Variants in SPTBN5 observed in about 807,000 individuals in gnomAD.
SPTBN5 encodes spectrin beta chain, non-erythrocytic 5.
SPTBN5 carries 513 observed loss-of-function variants against 477.6 expected under a neutral mutation model. The ratio of observed to expected loss-of-function variants is 1.07; its 90% CI spans 1.00 to 1.16. The LOEUF (loss-of-function observed/expected upper bound fraction) is 1.16, where lower values mean the gene tolerates loss of function less well. SPTBN5 is among the 50% of genes most tolerant of loss of function. SPTBN5 has a pLI of 0.00. For synonymous variants in SPTBN5, 2,169 were observed against 2,011.7 expected (o/e 1.08, Z -2.09); for missense variants, 5,062 against 4,731.8 (o/e 1.07, Z -2.05).
At chr15:41,851,689 C>T (rs2065770119) in intron 63 of SPTBN5, 90 bp downstream of exon 63, 3 of 1,001,064 alleles carry the variant, frequency 3.0e-6, no homozygotes, top group Non-Finnish European at 3.1e-6. Context: ...GTTCACAGTG[C>T]AAGGGTGCCA....
intron 53 of SPTBN5, 88 bp from the exon 54 acceptor site, chr15:41,855,833 G>C (rs1567186077): frequency 7.3e-7 from 1 of 1,362,534 alleles, no homozygotes; most frequent in Non-Finnish European, 9.8e-7. Context: ...TGGCTGCACA[G>C]GGGAATCACC....
intron 47 of SPTBN5, 119 bp from the exon 48 acceptor site, chr15:41,859,099 A>C: frequency 4.2e-6 from 3 of 719,334 alleles, no homozygotes; most frequent in Non-Finnish European, 6.4e-6. Flanking sequence ...CTTTGGAATA[A>C]AGGTACATTG....
At chr15:41,861,015 C>T (rs1194782011) in intron 46 of SPTBN5, among the ~76,000 whole-genome samples, 1 of 152,260 alleles carries the variant, frequency 6.6e-6, no homozygotes. Context: ...GTGAAAGCTC[C>T]CTCCTCTGCA....
At chr15:41,875,358 G>A (rs1319732679) in intron 22 of SPTBN5, 100 bp downstream of exon 22, 1 of 1,386,920 alleles carries the variant, frequency 7.2e-7, no homozygotes, top group Non-Finnish European at 9.6e-7. Context: ...AGGCTGCAGA[G>A]CCAGGGTCAG....
chr15:41,872,516 G>T, intron 26 of SPTBN5, 57 bp from the exon 27 acceptor site: 1 of 1,509,978 alleles, frequency 6.6e-7, no homozygotes. Context: ...CCACCCACCT[G>T]TCCGTCCCCC....
rs1387947830 is a variant in SPTBN5 at position 41,850,865 on chromosome 15, C to T, written c.10910G>A (p.Gly3637Asp). 1 of 1,598,364 alleles carries T rather than the reference C, an allele frequency of 6.3e-7. No homozygotes were observed. Among genetic ancestry groups the T allele is most frequent in the Non-Finnish European group, 8.5e-7 (1 of 1,173,448 alleles). The change falls in exon 66 of 68, where the codon GGC (glycine) becomes GAC (aspartate). Residue 3637 changes from glycine to aspartate, a missense_variant. Coordinates refer to ENST00000320955, the MANE Select transcript of SPTBN5 (RefSeq NM_016642.4). ...CCCCTGAAGCCCACCTGCAGTGCTG[C>T]CCAGGGCTCGCCACCAGCTCTCAGC... ...EQAESWWRAL[G>D]STAAQSLSPK...
chr15:41,893,490 C>T lies in SPTBN5; in HGVS notation c.8G>A (p.Gly3Asp), dbSNP rs116590800. 2.6e-3 allele frequency: 4,101 copies of T among 1,580,400 alleles called. 98 individuals carry two copies. The African/African-American group carries it at 0.05, about 19-fold the overall frequency. Reference protein sequence around the residue: MAGQPHSPRELLG... With the variant: MADQPHSPRELLG... ...GAGCTCCCGGGGACTGTGGGGCTGA[C>T]CAGCCATCAGCCCTGCAGACTTTGG... is the stretch of plus-strand genomic sequence containing the variant. Residue 3 changes from glycine (G) to aspartate (D), a missense_variant, in exon 2 of 68, where the codon GGT becomes GAT. Coordinates refer to ENST00000320955, the MANE Select transcript of SPTBN5 (RefSeq NM_016642.4).
rs1290230163 is a variant in SPTBN5, at chr15:41,848,463, G to A, written c.*153C>T. 8 of 871,004 alleles carry A rather than the reference G, an allele frequency of 9.2e-6. No homozygotes were observed. Among genetic ancestry groups the A allele is most frequent in the Non-Finnish European group, 1.5e-5 (8 of 517,290 alleles). The allele number at this position is 871,004 out of a possible 1,614,324, so 54.0% of individuals were successfully genotyped here. ...CCACATGGTAGGACCCATCTAACCA[G>A]AAGGAACTGTCTATTCCAGAAGCTG... On this transcript the variant is annotated 3_prime_UTR_variant, in exon 68 of 68. Transcript: ENST00000320955.
chr15:41,878,670 G>A (rs773993913), intron 16 of SPTBN5, 41 bp from the exon 17 acceptor site: 2 of 1,573,614 alleles, frequency 1.3e-6, no homozygotes, highest in Non-Finnish European at 1.7e-6. Context: ...GCCCTGTCCT[G>A]GGCCTGGTGC....
At position 41,874,366 on chromosome 15, in the gene SPTBN5, G is replaced by C. The variant is rs776084505; in HGVS notation, c.4615C>G (p.His1539Asp). 3.1e-6 allele frequency: 5 copies of C among 1,613,864 alleles called. No individual in the cohort carries two copies. In the South Asian group the frequency reaches 5.5e-5, roughly 18 times the overall value. The stretch of plus-strand genomic sequence containing the variant: ...CTGGTGGGGCTGCCATGGGGCATGT[G>C]CTCGGCTACCCAAGAGAGCTCCATG... ...SNMELSWVAE[H>D]MPHGSPTSYT... is the part of the protein sequence containing the mutation. Residue 1539 changes from histidine (H) to aspartate (D), a missense_variant, in exon 24 of 68, where the codon CAC becomes GAC. Physicochemically the swap from His to Asp is moderately conservative, Grantham distance 81. Coordinates refer to ENST00000320955, the MANE Select transcript of SPTBN5 (RefSeq NM_016642.4).
In SPTBN5 at chr15:41,857,581, C is replaced by A; in HGVS notation, c.8356G>T (p.Ala2786Ser). The A allele has an allele frequency of 6.2e-7, 1 of 1,609,582 alleles. No homozygotes were observed. The highest frequency in any genetic ancestry group is 8.5e-7 in the Non-Finnish European group (1 of 1,178,128). Residue 2786 changes from alanine to serine, a missense_variant, in exon 50 of 68, where the codon GCC (alanine) becomes TCC (serine). Ala to Ser is a moderately conservative substitution (Grantham distance 99, BLOSUM62 1). Transcript: ENST00000320955. ...SQKKVAKLQK[A>S]CEALRLRRSM... ...GGCCTGCACAACCTCACCTCACAGG[C>A]CTTCTGGAGCTTGGCCACCTTCTTC...
chr15:41,866,299 G>C, intron 37 of SPTBN5, 45 bp downstream of exon 37: 1 of 1,571,936 alleles, frequency 6.4e-7, no homozygotes, highest in Non-Finnish European at 8.6e-7. Flanking sequence ...ATTGCCCCTG[G>C]GCCACACTTT....
Position 41,870,535 on chromosome 15 carries a change from G to A in SPTBN5, c.5473C>T (p.Leu1825=), listed in dbSNP as rs1249279091. The stretch of plus-strand genomic sequence containing the variant: ...AGCGCGTGGCCTCGGGCCTGGGTCA[G>A]CTCCCACAGCTCCGACCAGGCGGTC... The part of the protein sequence containing the change: ...LQTAWSELWE[L]TQARGHALRD... Residue 1825 remains leucine (L), a synonymous_variant, in exon 30 of 68, where the codon CTG becomes TTG. Transcript: ENST00000320955. 1.2e-6 allele frequency: 2 copies of A among 1,610,122 alleles called. No individual in the cohort carries two copies. The highest frequency in any genetic ancestry group is 8.5e-7 in the Non-Finnish European group (1 of 1,179,754).
chr15:41,856,974 A>T lies in SPTBN5; in HGVS notation c.8687T>A (p.Leu2896Ter). The change falls in exon 52 of 68, where the codon TTG becomes TAG. Residue 2896 changes from leucine to a stop codon, truncating the protein, a stop_gained. Transcript: ENST00000320955. LOFTEE classifies it high-confidence loss of function. ...CTCGTCGGCGTCCCTGAAGAACTTCAAGAGGAGGCTCCGGGCCTCCAGGGC... is the reference window on the plus strand; with the variant it reads ...CTCGTCGGCGTCCCTGAAGAACTTCTAGAGGAGGCTCCGGGCCTCCAGGGC... ...RTALEARSLL[L>*]KFFRDADEEM... is the part of the protein sequence containing the mutation. 6.2e-7 allele frequency: 1 copy of T among 1,601,260 alleles called. No individual in the cohort carries two copies. Among genetic ancestry groups the T allele is most frequent in the Non-Finnish European group, 8.5e-7 (1 of 1,174,728 alleles).
In SPTBN5 at chr15:41,882,984, G is replaced by T. The variant is rs1277957380; in HGVS notation, c.1892+12C>A. On this transcript the variant is annotated intron_variant, in intron 9 of 67. Coordinates refer to ENST00000320955, the MANE Select transcript of SPTBN5 (RefSeq NM_016642.4). ...TTCTGGGAAAGGTGGAAGAGTTGGG[G>T]CAGGCTCTTACCGGGCCCTGACAAG... The T allele has an allele frequency of 2.0e-6, 3 of 1,531,492 alleles. No individual in the cohort carries two copies. In the South Asian group the frequency reaches 3.6e-5, roughly 18 times the overall value. 94.9% of individuals were successfully genotyped at this position (1,531,492 alleles called of 1,614,324 possible).
Position 41,862,054 on chromosome 15 carries a change from G to A in SPTBN5, c.7548+76C>T, listed in dbSNP as rs1013136567. 17 of 1,496,090 alleles carry A rather than the reference G, an allele frequency of 1.1e-5. No homozygotes were observed. In the African/African-American group the frequency reaches 2.4e-4, roughly 21 times the overall value. The allele number at this position is 1,496,090 out of a possible 1,614,324, so 92.7% of individuals were successfully genotyped here. On this transcript the variant is annotated intron_variant, in intron 44 of 67. Coordinates refer to ENST00000320955, the MANE Select transcript of SPTBN5 (RefSeq NM_016642.4). Reference sequence around the variant, plus strand: ...GGCGGGACACTCAGGAGGCCCAAGAGCAAGGAGATGAGAGGAAGGGGAGGG... The same window carrying A: ...GGCGGGACACTCAGGAGGCCCAAGAACAAGGAGATGAGAGGAAGGGGAGGG...
At chr15:41,856,103 C>T (rs536897893) in intron 53 of SPTBN5, among the ~76,000 whole-genome samples, 9 of 152,332 alleles carry the variant, frequency 5.9e-5, no homozygotes, top group South Asian at 2.1e-4. Flanking sequence ...TTGTATTCAC[C>T]ATTGTGAAGT....
At position 41,876,801 on chromosome 15, in the gene SPTBN5, A is replaced by G. The variant is rs1395882674; in HGVS notation, c.3851+8T>C. ...TCTGCAGGTGCTGCAGACTGAGGCC[A>G]GGCTCACGTGTGTGCAGCTGGGTGC... On this transcript the variant is annotated splice_region_variant and intron_variant, in intron 19 of 67. Coordinates refer to ENST00000320955, the MANE Select transcript of SPTBN5 (RefSeq NM_016642.4). 3.0e-5 allele frequency: 48 copies of G among 1,609,684 alleles called. No individual in the cohort carries two copies. The highest frequency in any genetic ancestry group is 3.8e-5 in the Non-Finnish European group (45 of 1,179,746).
In SPTBN5 at chr15:41,892,958, C is replaced by T. The variant is rs755327929; in HGVS notation, c.320G>A (p.Arg107Gln). 70 of 1,609,032 alleles carry T rather than the reference C, an allele frequency of 4.4e-5. No homozygotes were observed. The highest frequency in any genetic ancestry group is 1.2e-4 in the South Asian group (11 of 91,076). Residue 107 changes from arginine to glutamine, a missense_variant, in exon 3 of 68, where the codon CGG becomes CAG. Arg to Gln is a conservative substitution (Grantham distance 43). Transcript: ENST00000320955. ...ISGEALPPPS[R>Q]GRLRVHFLEN... Reference sequence around the variant, plus strand: ...CAGGAAGTGCACACGCAGGCGGCCCCGGCTCGGGGGTGGCAGGGCCTCCCC... The same window carrying T: ...CAGGAAGTGCACACGCAGGCGGCCCTGGCTCGGGGGTGGCAGGGCCTCCCC...
Sources: gnomAD v4.1 joint callset for allele counts (sites outside exome capture counted in the v4.1 genomes callset) on GRCh38, gnomAD v4.1.1 for gene constraint, MANE v1.5 for transcripts, NCBI Gene and HGNC (gene_info 2026-07-23, HGNC 2026-07-21) for gene names.